Variants in ZMIZ1 observed in about 807,000 individuals in gnomAD.
ZMIZ1 encodes the protein zinc finger MIZ-type containing 1, also known as zinc finger MIZ domain-containing protein 1.
In ZMIZ1, 17 loss-of-function variants were observed where a neutral mutation model predicts 113.9. That is an observed-to-expected ratio of 0.15 (90% CI 0.10 to 0.22). The LOEUF is 0.22. ZMIZ1 is among the 10% of genes least tolerant of loss of function. The probability of loss-of-function intolerance (pLI) is 1.00; values close to 1 mark genes in which losing one functional copy is unlikely to be tolerated. For synonymous variants in ZMIZ1, 607 were observed against 603.1 expected (o/e 1.01, Z -0.09); for missense variants, 1,059 against 1,477.8 (o/e 0.72, Z 4.65).
At chr10:79,197,777 G>A (rs777049288) in intron 4 of ZMIZ1, among the ~76,000 whole-genome samples, 19 of 152,034 alleles carry the variant, frequency 1.2e-4, no homozygotes, top group Non-Finnish European at 2.2e-4. Context: ...AAATGGGGAT[G>A]TAACTACATT....
At chr10:79,201,765 G>A in intron 5 of ZMIZ1, 73 bp downstream of exon 5, 1 of 1,550,202 alleles carries the variant, frequency 6.5e-7, no homozygotes, top group Non-Finnish European at 8.8e-7. Context: ...CATCTGGTGG[G>A]TTCTGGCTGG....
intron 1 of ZMIZ1, among the ~76,000 whole-genome samples, chr10:79,080,569 G>A (rs1474517297): frequency 1.3e-5 from 2 of 152,014 alleles, no homozygotes; most frequent in African/African-American, 2.4e-5. Flanking sequence ...TTGGCCTCCC[G>A]AAGTGCTGGG....
intron 5 of ZMIZ1, among the ~76,000 whole-genome samples, chr10:79,206,033 A>C (rs1848304171): frequency 6.6e-6 from 1 of 151,902 alleles, no homozygotes; most frequent in African/African-American, 2.4e-5. Context: ...ACTTGAGCCC[A>C]GGAGATTGAA....
chr10:79,298,854 G>A (rs149420140), intron 15 of ZMIZ1, among the ~76,000 whole-genome samples, 196 bp from the exon 16 acceptor site: 7 of 152,212 alleles, frequency 4.6e-5, no homozygotes, highest in Admixed American at 1.3e-4. Context: ...GGGATGAGTC[G>A]CTGGGGCGGG....
intron 3 of ZMIZ1, among the ~76,000 whole-genome samples, chr10:79,158,379 G>A (rs562820160): frequency 5.7e-4 from 87 of 152,290 alleles, no homozygotes; most frequent in African/African-American, 1.8e-3. Context: ...AATGGAGGGC[G>A]GTCGGCCCCT....
At chr10:79,281,080 C>G (rs544968499) in intron 8 of ZMIZ1, among the ~76,000 whole-genome samples, 1 of 152,236 alleles carries the variant, frequency 6.6e-6, no homozygotes, top group Admixed American at 6.5e-5. Context: ...CAGCTCCCCA[C>G]TAGGGACCAG....
intron 11 of ZMIZ1, chr10:79,292,672 C>G: frequency 2.0e-6 from 1 of 490,552 alleles, no homozygotes. Flanking sequence ...GCCCCCAACT[C>G]ACCAAGGAGT....
In ZMIZ1 at chr10:79,079,956, T is replaced by C. The variant is rs559487971; in HGVS notation, c.-337+10686T>C. 5.9e-5 allele frequency among the ~76,000 whole-genome samples: 9 copies of C among 152,326 alleles called. No individual in the cohort carries two copies. In the East Asian group the frequency reaches 1.3e-3, roughly 23 times the overall value. The stretch of plus-strand genomic sequence containing the variant: ...GGGCTGTGGGGACCACTGGCACTTA[T>C]ATTGAGGGGCACACGGTGTCTTCAG... On this transcript the variant is annotated intron_variant, in intron 1 of 24. Coordinates refer to ENST00000334512, the MANE Select transcript of ZMIZ1 (RefSeq NM_020338.4).
In ZMIZ1 at chr10:79,240,159, A is replaced by G. The variant is rs368649591; in HGVS notation, c.280+23885A>G. 2.6e-4 allele frequency among the ~76,000 whole-genome samples: 33 copies of G among 126,590 alleles called. No individual in the cohort carries two copies. In the South Asian group the frequency reaches 7.6e-3, roughly 29 times the overall value. The allele number at this position is 126,590 out of a possible 152,430, so 83.0% of individuals were successfully genotyped here. ...TGGCGGGCATTCATCAAGGAGCCGC[A>G]GCGCGGGGGCTGCAGCTCGCCCTTT... On this transcript the variant is annotated intron_variant, in intron 7 of 24. Transcript: ENST00000334512.
chr10:79,202,175 A>G, intron 5 of ZMIZ1, among the ~76,000 whole-genome samples: 1 of 138,894 alleles, frequency 7.2e-6, no homozygotes, highest in Non-Finnish European at 1.5e-5. Flanking sequence ...GTAACATAGC[A>G]AGACCCTGTC....
rs1554851338 is a variant in ZMIZ1 at position 79,104,952 on chromosome 10, T to TGTGG, written c.-336-13960_-336-13959insGGTG. 3.3e-4 allele frequency among the ~76,000 whole-genome samples: 20 copies of TGTGG among 59,728 alleles called. 1 individual carries two copies. The highest frequency in any genetic ancestry group is 2.3e-3 in the African/African-American group (20 of 8,746). 39.2% of individuals were successfully genotyped at this position (59,728 alleles called of 152,430 possible). The stretch of plus-strand genomic sequence containing the variant: ...TTGTTGTTGGGTTGTTGTTGTGGGG[T>TGTGG]GTGTGTGTGTGTGTGTGTGTGTGTG... On this transcript the variant is annotated intron_variant, in intron 1 of 24. Transcript: ENST00000334512.
rs542843374 is a variant in ZMIZ1 at position 79,214,207 on chromosome 10, C to A, written c.175-1962C>A. 3.2e-4 allele frequency among the ~76,000 whole-genome samples: 49 copies of A among 152,112 alleles called. 1 individual carries two copies. Among genetic ancestry groups the A allele is most frequent in the Non-Finnish European group, 6.6e-4 (45 of 68,022 alleles). On this transcript the variant is annotated intron_variant, in intron 6 of 24. Coordinates refer to ENST00000334512, the MANE Select transcript of ZMIZ1 (RefSeq NM_020338.4). ...TGGTTTTTCTATGTGGACAGTGAGA[C>A]TTATGGTGAGGATGTCCCAGAGACT...
At chr10:79,176,170 A>G (rs1846859104) in intron 4 of ZMIZ1, among the ~76,000 whole-genome samples, 1 of 152,014 alleles carries the variant, frequency 6.6e-6, no homozygotes, top group African/African-American at 2.4e-5. Context: ...ATGACATTCC[A>G]GGGCCATTTC....
At chr10:79,140,325 C>T (rs968498365) in intron 3 of ZMIZ1, among the ~76,000 whole-genome samples, 16 of 152,206 alleles carry the variant, frequency 1.1e-4, no homozygotes, top group Non-Finnish European at 1.6e-4. Context: ...TTATTATCTG[C>T]ATTTTCAGAC....
intron 24 of ZMIZ1, among the ~76,000 whole-genome samples, chr10:79,311,831 G>A (rs997709414): frequency 1.3e-5 from 2 of 152,074 alleles, no homozygotes; most frequent in Non-Finnish European, 2.9e-5. Flanking sequence ...TGGGGCTGGC[G>A]GGATGGGACT....
At chr10:79,081,146 C>T (rs1308051202) in intron 1 of ZMIZ1, among the ~76,000 whole-genome samples, 1 of 151,948 alleles carries the variant, frequency 6.6e-6, no homozygotes, top group Non-Finnish European at 1.5e-5. Flanking sequence ...AGAAGGATAC[C>T]TCTCCCCTAG....
At chr10:79,188,437 G>T (rs181166264) in intron 4 of ZMIZ1, among the ~76,000 whole-genome samples, 1 of 152,348 alleles carries the variant, frequency 6.6e-6, no homozygotes, top group Admixed American at 6.5e-5. Flanking sequence ...GCGCCTTCAG[G>T]CAGGCTCGTG....
At chr10:79,141,387 A>C (rs371777175) in intron 3 of ZMIZ1, among the ~76,000 whole-genome samples, 3 of 152,162 alleles carry the variant, frequency 2.0e-5, no homozygotes, top group Non-Finnish European at 4.4e-5. Flanking sequence ...TAAGAAGACA[A>C]ATTTAGCCAG....
At chr10:79,220,385 G>A (rs994877566) in intron 7 of ZMIZ1, among the ~76,000 whole-genome samples, 7 of 152,226 alleles carry the variant, frequency 4.6e-5, no homozygotes, top group East Asian at 1.9e-4. Context: ...CTCTCCCCTC[G>A]GCTCTGTGGG....
Sources: gnomAD v4.1 joint callset for allele counts (sites outside exome capture counted in the v4.1 genomes callset) on GRCh38, gnomAD v4.1.1 for gene constraint, MANE v1.5 for transcripts, NCBI Gene and HGNC (gene_info 2026-07-23, HGNC 2026-07-21) for gene names.